The following HERC1 variants were observed in gnomAD, a reference collection of about 807,000 sequenced individuals.
HERC1 encodes the protein probable E3 ubiquitin-protein ligase HERC1.
HERC1 carries 160 observed loss-of-function variants against 554.3 expected under a neutral mutation model. That is an observed-to-expected ratio of 0.29 (90% CI 0.25 to 0.33). The LOEUF (loss-of-function observed/expected upper bound fraction) is 0.33. Among genes scored for constraint, HERC1 ranks in the 10% least tolerant of loss-of-function variants. The probability of loss-of-function intolerance (pLI) is 1.00; values close to 1 mark genes in which losing one functional copy is unlikely to be tolerated. For missense variants in HERC1, 4,919 were observed against 5,918.5 expected, an observed-to-expected ratio of 0.83 and a Z score of 5.54; for synonymous variants, 2,175 against 2,131.7, an observed-to-expected ratio of 1.02 and a Z score of -0.56.
chr15:63,641,738 G>A (rs1211858624), intron 59 of HERC1, 95 bp from the exon 60 acceptor site: 1 of 1,030,566 alleles, frequency 9.7e-7, no homozygotes, highest in Non-Finnish European at 1.3e-6. Flanking sequence ...TAGTAACTGG[G>A]ACATCTTTGC....
intron 55 of HERC1, 148 bp from the exon 56 acceptor site, chr15:63,645,830 T>C (rs2152860577): frequency 1.7e-6 from 1 of 578,128 alleles, no homozygotes; most frequent in African/African-American, 1.9e-5. Flanking sequence ...AATCAGATAC[T>C]GCCATATCAT....
intron 1 of HERC1, among the ~76,000 whole-genome samples, chr15:63,821,633 G>A (rs961731123): frequency 2.7e-5 from 4 of 149,908 alleles, no homozygotes; most frequent in African/African-American, 9.9e-5. Flanking sequence ...GGCCAAGGTG[G>A]GAGGATCACC....
At chr15:63,720,103 C>CATTTTTTTTTTTTTTTTTTTTTTTT (rs2073747290) in intron 19 of HERC1, among the ~76,000 whole-genome samples, 1 of 71,608 alleles carries the variant, frequency 1.4e-5, no homozygotes, top group Non-Finnish European at 2.7e-5. Context: ...TTTTTCTTCC[C>CATTTTTTTTTTTTTTTTTTTTTTTT]TTTTTTTTTT....
At chr15:63,711,326 A>C (rs2073283742) in intron 24 of HERC1, among the ~76,000 whole-genome samples, 1 of 152,144 alleles carries the variant, frequency 6.6e-6, no homozygotes, top group Non-Finnish European at 1.5e-5. Flanking sequence ...AAAAAAAGGG[A>C]AATTATCACA....
At position 63,718,753 on chromosome 15, in the gene HERC1, T is replaced by C; in HGVS notation, c.3857+30A>G. On this transcript the variant is annotated intron_variant, in intron 20 of 77. Coordinates refer to ENST00000443617, the MANE Select transcript of HERC1 (RefSeq NM_003922.4). The surrounding 1 kb of genome is among the most constrained non-coding windows in gnomAD (Gnocchi z 4.2). ...ATTTCTGACATCATGAGAGCAAATA[T>C]TTGTCTGAGGATAGTTTTAAGTTAC... 6.2e-7 allele frequency: 1 copy of C among 1,605,370 alleles called. No homozygotes were observed. Among genetic ancestry groups the C allele is most frequent in the Non-Finnish European group, 8.5e-7 (1 of 1,173,584 alleles).
In HERC1 at chr15:63,718,603, G is replaced by C. The variant is rs751972833; in HGVS notation, c.3949C>G (p.Gln1317Glu). 6.3e-7 allele frequency: 1 copy of C among 1,585,578 alleles called. No individual in the cohort carries two copies. The highest frequency in any genetic ancestry group is 1.1e-5 in the South Asian group (1 of 87,554). ...CTGTCCCGTGATGATGACCTTGTTT[G>C]AATAAGTTCAAGGTTCTTGCAAGCA... The part of the protein sequence containing the change: ...LLACKNLELI[Q>E]TRSSSRDRWI... The change falls in exon 21 of 78, where the codon CAA (glutamine) becomes GAA (glutamate). Residue 1317 changes from glutamine to glutamate, a missense_variant. This residue lies in a region of HERC1 where 1,121 missense variants were observed against 1,244.0 expected (regional missense o/e 0.90). Coordinates refer to ENST00000443617, the MANE Select transcript of HERC1 (RefSeq NM_003922.4). The surrounding 1 kb of genome is among the most constrained non-coding windows in gnomAD (Gnocchi z 4.2).
At chr15:63,641,296 C>T (rs2069048331) in intron 60 of HERC1, among the ~76,000 whole-genome samples, 174 bp downstream of exon 60, 1 of 152,184 alleles carries the variant, frequency 6.6e-6, no homozygotes, top group Admixed American at 6.5e-5. Flanking sequence ...CAAGAATAGG[C>T]TTAGGGTTGC....
At chr15:63,656,940 G>A (rs78336653) in intron 48 of HERC1, among the ~76,000 whole-genome samples, 2,634 of 152,250 alleles carry the variant, frequency 0.017, 75 homozygotes, top group African/African-American at 0.061. Context: ...TATCCCTACA[G>A]ATGACAATCA....
intron 34 of HERC1, 100 bp downstream of exon 34, chr15:63,686,259 T>A (rs1173395287): frequency 1.1e-5 from 9 of 821,966 alleles, no homozygotes; most frequent in Non-Finnish European, 1.3e-5. Context: ...CATTTACATA[T>A]CACGATTTTT....
Position 63,655,732 on chromosome 15 carries a change from T to C in HERC1, c.10084+10A>G, listed in dbSNP as rs2069997574. 1.3e-6 allele frequency: 2 copies of C among 1,537,056 alleles called. No individual in the cohort carries two copies. The highest frequency in any genetic ancestry group is 4.9e-5 in the East Asian group (2 of 40,850). On this transcript the variant is annotated intron_variant, in intron 50 of 77. Transcript: ENST00000443617. ...TAGAAGACTGTATGTTTCAGTAGTA[T>C]GAAACTTACCTTTCTTTTCAACTTC...
intron 25 of HERC1, among the ~76,000 whole-genome samples, chr15:63,704,492 A>T (rs1452946980): frequency 6.6e-6 from 1 of 152,170 alleles, no homozygotes; most frequent in African/African-American, 2.4e-5. Context: ...TATGCTACTC[A>T]GTAAGTCTGG....
intron 65 of HERC1, among the ~76,000 whole-genome samples, chr15:63,635,329 A>G (rs1259187151): frequency 6.6e-6 from 1 of 152,218 alleles, no homozygotes; most frequent in African/African-American, 2.4e-5. Context: ...GATTACAGGC[A>G]TAAGCCACTG....
chr15:63,667,351 T>C (rs911021619), intron 40 of HERC1, among the ~76,000 whole-genome samples: 6 of 152,184 alleles, frequency 3.9e-5, no homozygotes, highest in African/African-American at 1.4e-4. Flanking sequence ...GAATCAACTA[T>C]TATTCCATGT....
chr15:63,748,676 T>TA (rs1241646042), intron 10 of HERC1, among the ~76,000 whole-genome samples: 1 of 152,194 alleles, frequency 6.6e-6, no homozygotes, highest in East Asian at 1.9e-4. Flanking sequence ...GCTTTTGTGT[T>TA]AGAGGAATAA....
Position 63,727,846 on chromosome 15 carries a change from G to A in HERC1, c.3155-8C>T, listed in dbSNP as rs756408399. 6 of 1,605,292 alleles carry A rather than the reference G, an allele frequency of 3.7e-6. No homozygotes were observed. Among genetic ancestry groups the A allele is most frequent in the African/African-American group, 1.3e-5 (1 of 74,598 alleles). On this transcript the variant is annotated splice_region_variant and splice_polypyrimidine_tract_variant and intron_variant, in intron 16 of 77. Transcript: ENST00000443617. This position sits in a 1 kb window ranked among gnomAD's most constrained non-coding sequence, Gnocchi z 4.3. ...CTGAGACGTATATCACATCTATGAA[G>A]GGCAAGAAATTAAACATGGGACAAT...
At position 63,662,975 on chromosome 15, in the gene HERC1, C is replaced by T; in HGVS notation, c.8901+9G>A. 6.2e-7 allele frequency: 1 copy of T among 1,608,284 alleles called. No individual in the cohort carries two copies. The highest frequency in any genetic ancestry group is 8.5e-7 in the Non-Finnish European group (1 of 1,174,834). The stretch of plus-strand genomic sequence containing the variant: ...AAGTCAGAGCAGCCCCCGCTGCAGT[C>T]ACACACACCCAGGTAGGCCAATCCA... On this transcript the variant is annotated intron_variant, in intron 44 of 77. Coordinates refer to ENST00000443617, the MANE Select transcript of HERC1 (RefSeq NM_003922.4).
chr15:63,661,131 C>T, intron 45 of HERC1, 106 bp from the exon 46 acceptor site: 2 of 809,518 alleles, frequency 2.5e-6, no homozygotes, highest in South Asian at 1.5e-5. Context: ...TAAAGCAGCA[C>T]AAAATAAAAA....
rs200983374 is a variant in HERC1, at chr15:63,649,736, T to C, written c.10736A>G (p.Tyr3579Cys). 6.0e-5 allele frequency: 96 copies of C among 1,613,226 alleles called. No individual in the cohort carries two copies. The African/African-American group carries it at 6.0e-4, about 10-fold the overall frequency. The stretch of plus-strand genomic sequence containing the variant: ...GTGCAGTCATTTACCATCCTTTCGA[T>C]AGCAATGCTCCAATTCTCGACGGTG... ...TMHRRELEHC[Y>C]RKDVSVTCIA... The change falls in exon 54 of 78, where the codon TAT (tyrosine) becomes TGT (cysteine). Residue 3579 changes from tyrosine to cysteine, a missense_variant. Around this residue, in one of 11 missense-constraint regions of HERC1, gnomAD observed 1,963 missense variants for 2,228.6 expected, o/e 0.88. Coordinates refer to ENST00000443617, the MANE Select transcript of HERC1 (RefSeq NM_003922.4).
chr15:63,740,216 G>C (rs776012202), intron 12 of HERC1, among the ~76,000 whole-genome samples: 5 of 152,092 alleles, frequency 3.3e-5, no homozygotes, highest in Non-Finnish European at 7.4e-5. Context: ...AGCCACTTAG[G>C]ATAATATTTA....
Sources: gnomAD v4.1 joint callset for allele counts (sites outside exome capture counted in the v4.1 genomes callset) on GRCh38, gnomAD v4.1.1 for gene constraint, gnomAD v4.1.1 regional missense constraint, Gnocchi (gnomAD v3.1) non-coding constraint, MANE v1.5 for transcripts, NCBI Gene and HGNC (gene_info 2026-07-23, HGNC 2026-07-21) for gene names.